The following PKHD1 variants were observed in gnomAD, a reference collection of about 807,000 sequenced individuals.
PKHD1 encodes the protein fibrocystin.
A neutral mutation model predicts 412.0 loss-of-function variants in PKHD1; 291 were observed. That is an observed-to-expected ratio of 0.71 (90% CI 0.64 to 0.78). The LOEUF is 0.78. Ranked by LOEUF, PKHD1 falls within the 30% of genes least tolerant of loss-of-function variation. PKHD1 has a pLI of 0.00. For synonymous variants in PKHD1, 1,777 were observed against 1,821.5 expected, an observed-to-expected ratio of 0.98 and a Z score of 0.62; for missense variants, 4,825 against 4,950.7, an observed-to-expected ratio of 0.97 and a Z score of 0.76.
intron 27 of PKHD1, among the ~76,000 whole-genome samples, chr6:52,036,503 G>C (rs529742044): frequency 1.3e-5 from 2 of 152,310 alleles, no homozygotes; most frequent in South Asian, 2.1e-4. Context: ...AGATACAAGA[G>C]AGGCAGTGAG....
rs1786266130 is a variant in PKHD1 at position 51,752,485 on chromosome 6, C to T, written c.8950+716G>A. Among the ~76,000 whole-genome samples the T allele has an allele frequency of 2.0e-5, 3 of 152,162 alleles. No individual in the cohort carries two copies. The South Asian group carries it at 6.2e-4, about 32-fold the overall frequency. On this transcript the variant is annotated intron_variant, in intron 57 of 66. Coordinates refer to ENST00000371117, the MANE Select transcript of PKHD1 (RefSeq NM_138694.4). ...TTTAAGGTCCAAACACTGCCCTTTACAAAACTGGTAAAATAGTTGTGCCAA... is the reference window on the plus strand; with the variant it reads ...TTTAAGGTCCAAACACTGCCCTTTATAAAACTGGTAAAATAGTTGTGCCAA...
chr6:51,799,976 A>T (rs959382656), intron 52 of PKHD1, among the ~76,000 whole-genome samples: 1 of 152,146 alleles, frequency 6.6e-6, no homozygotes, highest in East Asian at 1.9e-4. Context: ...TGACCAATCT[A>T]TCCTACTTGA....
chr6:52,033,176 A>C lies in PKHD1; in HGVS notation c.3229-11T>G. ...GCGTCCATCTTTCCCCTGAAAAATC[A>C]ATTTTAAAAATTAAACCTCAGTTTT... On this transcript the variant is annotated splice_polypyrimidine_tract_variant and intron_variant, in intron 28 of 66. Transcript: ENST00000371117. 1 of 1,608,570 alleles carries C rather than the reference A, an allele frequency of 6.2e-7. No individual in the cohort carries two copies. The highest frequency in any genetic ancestry group is 1.3e-5 in the African/African-American group (1 of 74,972).
At position 51,959,926 on chromosome 6, in the gene PKHD1, C is replaced by G. The variant is rs1439089364; in HGVS notation, c.5852G>C (p.Gly1951Ala). The part of the protein sequence containing the change: ...QDGDNVTVEN[G>A]QLLLLDTNTS... ...GTTAGTGTCCAGCAGAAGCAATTGG[C>G]CATTCTCCACTGTGACGTTGTCGCC... The change falls in exon 36 of 67, where the codon GGC becomes GCC. Residue 1951 changes from glycine to alanine, a missense_variant. Transcript: ENST00000371117. 1.4e-5 allele frequency: 23 copies of G among 1,613,300 alleles called. No homozygotes were observed. The highest frequency in any genetic ancestry group is 1.9e-5 in the Non-Finnish European group (23 of 1,179,512).
chr6:52,045,011 T>C lies in PKHD1; in HGVS notation c.2670A>G (p.Gly890=), dbSNP rs751304560. Residue 890 remains glycine, a synonymous_variant, in exon 25 of 67, where the codon GGA becomes GGG. Coordinates refer to ENST00000371117, the MANE Select transcript of PKHD1 (RefSeq NM_138694.4). ...RVVYDGGVFL[G]PIFGDMLATA... ...TAGCCAACATGTCTCCAAATATGGG[T>C]CCAAGAAAAACTCCACCATCATATA... 1.9e-6 allele frequency: 3 copies of C among 1,613,718 alleles called. No homozygotes were observed. Among genetic ancestry groups the C allele is most frequent in the South Asian group, 1.1e-5 (1 of 91,068 alleles).
At chr6:51,778,441 T>G (rs1157569056) in intron 53 of PKHD1, among the ~76,000 whole-genome samples, 1 of 152,108 alleles carries the variant, frequency 6.6e-6, no homozygotes, top group Non-Finnish European at 1.5e-5. Context: ...GTTAAGTAGC[T>G]TGTCAGGAAT....
At chr6:52,048,757 G>A (rs917008105) in intron 22 of PKHD1, 138 bp from the exon 23 acceptor site, 1 of 851,776 alleles carries the variant, frequency 1.2e-6, no homozygotes, top group Non-Finnish European at 1.9e-6. Flanking sequence ...ACTCAGTAAG[G>A]GAGTTTTCAG....
At chr6:51,831,257 A>T (rs903369411) in intron 51 of PKHD1, among the ~76,000 whole-genome samples, 15 of 152,310 alleles carry the variant, frequency 9.8e-5, no homozygotes, top group East Asian at 7.7e-4. Flanking sequence ...TGAAATATTT[A>T]AAAAATGCAA....
intron 35 of PKHD1, among the ~76,000 whole-genome samples, chr6:51,994,076 C>T (rs1583778115): frequency 1.3e-5 from 2 of 152,034 alleles, no homozygotes; most frequent in African/African-American, 4.8e-5. Context: ...GACTGGACAT[C>T]GATAGAATCG....
At chr6:51,848,511 A>C (rs2151632738) in intron 49 of PKHD1, among the ~76,000 whole-genome samples, 1 of 152,336 alleles carries the variant, frequency 6.6e-6, no homozygotes, top group Non-Finnish European at 1.5e-5. Context: ...TGAGGCAGGC[A>C]GAGGTTCAGT....
chr6:51,822,294 AG>A (rs1253932241), intron 52 of PKHD1, among the ~76,000 whole-genome samples: 1 of 152,214 alleles, frequency 6.6e-6, no homozygotes, highest in African/African-American at 2.4e-5. Context: ...GCATTTAATT[AG>A]TGGGAGCCTG....
intron 51 of PKHD1, among the ~76,000 whole-genome samples, chr6:51,833,806 A>G (rs1364549225): frequency 6.6e-6 from 1 of 152,140 alleles, no homozygotes; most frequent in East Asian, 1.9e-4. Flanking sequence ...CAGACCATCC[A>G]AAAAGCTCAC....
intron 51 of PKHD1, among the ~76,000 whole-genome samples, chr6:51,831,467 T>C (rs1768232049): frequency 6.6e-6 from 1 of 152,220 alleles, no homozygotes; most frequent in Admixed American, 6.5e-5. Context: ...AAATGCCTTG[T>C]AAACATAATT....
At chr6:51,808,765 T>C (rs889204478) in intron 52 of PKHD1, among the ~76,000 whole-genome samples, 1 of 152,136 alleles carries the variant, frequency 6.6e-6, no homozygotes, top group Non-Finnish European at 1.5e-5. Context: ...ATTTATGGAA[T>C]GTGGATCTAC....
At chr6:51,959,731 A>G (rs1326072330) in intron 36 of PKHD1, 139 bp downstream of exon 36, 6 of 770,858 alleles carry the variant, frequency 7.8e-6, no homozygotes, top group African/African-American at 3.4e-5. Context: ...CTTCCTTTAC[A>G]TAGTAAAATT....
intron 53 of PKHD1, among the ~76,000 whole-genome samples, chr6:51,779,873 G>C (rs1791683136): frequency 6.6e-6 from 1 of 151,540 alleles, no homozygotes. Flanking sequence ...TGGAAAACTA[G>C]ACCCACAAAG....
chr6:51,941,551 A>C (rs9395748), intron 36 of PKHD1, among the ~76,000 whole-genome samples: 5 of 150,976 alleles, frequency 3.3e-5, no homozygotes, highest in Non-Finnish European at 5.9e-5. Flanking sequence ...CACCGCACCC[A>C]GCCCAGCATG....
intron 29 of PKHD1, among the ~76,000 whole-genome samples, chr6:52,028,806 C>T (rs1177674509): frequency 6.6e-6 from 1 of 152,232 alleles, no homozygotes; most frequent in Non-Finnish European, 1.5e-5. Context: ...GCCACCTTGC[C>T]TGGCTTAACA....
intron 65 of PKHD1, among the ~76,000 whole-genome samples, chr6:51,630,119 A>G (rs1391445497): frequency 2.0e-5 from 3 of 152,214 alleles, no homozygotes; most frequent in Admixed American, 2.0e-4. Context: ...CATTCAAAGT[A>G]TATGATGAGA....
Sources: gnomAD v4.1 joint callset for allele counts (sites outside exome capture counted in the v4.1 genomes callset) on GRCh38, gnomAD v4.1.1 for gene constraint, MANE v1.5 for transcripts, NCBI Gene and HGNC (gene_info 2026-07-23, HGNC 2026-07-21) for gene names.